Variants in PMM2 observed in about 807,000 individuals in gnomAD.
The protein encoded by PMM2 is mannose-6-phosphate isomerase.
PMM2 carries 35 observed loss-of-function variants against 33.2 expected under a neutral mutation model. The ratio of observed to expected loss-of-function variants is 1.06; its 90% confidence interval spans 0.81 to 1.40. The LOEUF is 1.40. Ranked by LOEUF, PMM2 falls within the 40% of genes most tolerant of loss-of-function variation. The pLI, the probability that PMM2 is intolerant of heterozygous loss-of-function variation, is 0.00. For synonymous variants in PMM2, 153 were observed against 114.7 expected (o/e 1.33, Z -2.13); for missense variants, 386 against 306.0 (o/e 1.26, Z -1.95).
chr16:8,847,884 C>A lies in PMM2; in HGVS notation c.*59C>A, dbSNP rs1341269423. 3 of 1,346,502 alleles carry A rather than the reference C, an allele frequency of 2.2e-6. No individual in the cohort carries two copies. Among genetic ancestry groups the A allele is most frequent in the Admixed American group, 1.7e-5 (1 of 58,774 alleles). 83.4% of individuals were successfully genotyped at this position (1,346,502 alleles called of 1,614,324 possible). A position where few individuals can be genotyped will look rare whatever the true frequency, so the allele number is the denominator to read the frequency against. ...AAGCCAGCATAGGGCATTCGGTGGC[C>A]AGAGCCGAGGGTCCTCCCACACGTG... On this transcript the variant is annotated 3_prime_UTR_variant, in exon 8 of 8. Transcript: ENST00000268261.
At chr16:8,804,031 G>GTTTTT (rs752484926) in intron 2 of PMM2, among the ~76,000 whole-genome samples, 11 of 87,484 alleles carry the variant, frequency 1.3e-4, no homozygotes, top group African/African-American at 4.6e-4. Flanking sequence ...GGTTTTTTTT[G>GTTTTT]TTTTTTTTTT....
intron 7 of PMM2, chr16:8,829,400 G>C (rs1444631350): frequency 6.6e-6 from 1 of 152,220 alleles, no homozygotes; most frequent in Non-Finnish European, 1.5e-5. Context: ...CATTGCAAAG[G>C]AAAACCATCC....
intron 4 of PMM2, chr16:8,806,910 A>G (rs904024301): frequency 6.1e-6 from 1 of 163,430 alleles, no homozygotes; most frequent in African/African-American, 2.4e-5. Context: ...TCCACGTAAA[A>G]CCCAAATCTG....
In PMM2 at chr16:8,797,964, C is replaced by CG; in HGVS notation, c.66+19dup. 1 of 1,589,688 alleles carries CG rather than the reference C, an allele frequency of 6.3e-7. No individual in the cohort carries two copies. The highest frequency in any genetic ancestry group is 8.6e-7 in the Non-Finnish European group (1 of 1,169,314). On this transcript the variant is annotated intron_variant, in intron 1 of 7. Coordinates refer to ENST00000268261, the MANE Select transcript of PMM2 (RefSeq NM_000303.3). ...CCCGCGGCAGGTAAGTGGCGGCCGGCGGGCTGCTGGCAGCCGACGCGGAGC... is the reference window on the plus strand; with the variant it reads ...CCCGCGGCAGGTAAGTGGCGGCCGGCGGGGCTGCTGGCAGCCGACGCGGAGC...
rs902074338 is a variant in PMM2 at position 8,844,103 on chromosome 16, T to C, written c.640-3621T>C. Among the ~76,000 whole-genome samples the C allele has an allele frequency of 5.0e-4, 76 of 152,270 alleles. 1 individual carries two copies. Among genetic ancestry groups the C allele is most frequent in the Middle Eastern group, 6.8e-3 (2 of 294 alleles). On this transcript the variant is annotated intron_variant, in intron 7 of 7. Transcript: ENST00000268261. ...ATTTAGATCTTGCAGGATGGAAAAA[T>C]TGAAAGTGCCGTTTTCTGGCTATTT...
chr16:8,811,727 TG>T lies in PMM2; in HGVS notation c.523+15del, dbSNP rs1432113985. Reference sequence around the variant, plus strand: ...CGTTTTCCATAGGTATTGTATATATTGCCTGTGTTCCAAACTTGGATACCCA... The same window carrying T: ...CGTTTTCCATAGGTATTGTATATATTCCTGTGTTCCAAACTTGGATACCCA... On this transcript the variant is annotated intron_variant, in intron 6 of 7. Transcript: ENST00000268261. The T allele has an allele frequency of 6.3e-7, 1 of 1,577,614 alleles. No individual in the cohort carries two copies. The highest frequency in any genetic ancestry group is 2.2e-5 in the East Asian group (1 of 44,682).
Position 8,813,047 on chromosome 16 carries a change from C to T in PMM2, c.580C>T (p.Arg194Ter), listed in dbSNP as rs199562225. The change falls in exon 7 of 8, where the codon CGA (arginine) becomes TGA (stop). Residue 194 changes from arginine (R) to a stop codon, truncating the protein, a stop_gained. Coordinates refer to ENST00000268261, the MANE Select transcript of PMM2 (RefSeq NM_000303.3). LOFTEE classifies it high-confidence loss of function. ...TGGATGGGACAAGAGATACTGTCTGCGACATGTGGAAAATGACGGTTATAA... is the reference window on the plus strand; with the variant it reads ...TGGATGGGACAAGAGATACTGTCTGTGACATGTGGAAAATGACGGTTATAA... ...PDGWDKRYCL[R>*]HVENDGYKTI... The T allele has an allele frequency of 1.2e-5, 19 of 1,613,534 alleles. No homozygotes were observed. The East Asian group carries it at 2.2e-4, about 19-fold the overall frequency.
chr16:8,801,828 A>T lies in PMM2; in HGVS notation c.96A>T (p.Leu32=). Residue 32 remains leucine, a synonymous_variant, in exon 2 of 8, where the codon CTA becomes CTT. Coordinates refer to ENST00000268261, the MANE Select transcript of PMM2 (RefSeq NM_000303.3). ...TTACCAAAGAAATGGATGACTTCCT[A>T]CAAAAATTGAGGCAGAAGATCAAAA... ...QKITKEMDDF[L]QKLRQKIKIG... is the part of the protein sequence containing the mutation. The T allele has an allele frequency of 6.2e-7, 1 of 1,611,242 alleles. No individual in the cohort carries two copies.
At chr16:8,806,439 G>A (rs775693251) in intron 4 of PMM2, 32 bp downstream of exon 4, 2 of 1,306,826 alleles carry the variant, frequency 1.5e-6, no homozygotes, top group Non-Finnish European at 2.2e-6. Flanking sequence ...AGGCGTCACA[G>A]GAACATAGCG....
Position 8,824,550 on chromosome 16 carries a change from G to C in PMM2, c.639+11444G>C, listed in dbSNP as rs535932158. Among the ~76,000 whole-genome samples, 198 of 152,184 alleles carry C rather than the reference G, an allele frequency of 1.3e-3. 1 individual carries two copies. The highest frequency in any genetic ancestry group is 4.5e-3 in the African/African-American group (185 of 41,532). On this transcript the variant is annotated intron_variant, in intron 7 of 7. Coordinates refer to ENST00000268261, the MANE Select transcript of PMM2 (RefSeq NM_000303.3). Reference sequence around the variant, plus strand: ...ACACATACTAATAACATAGTTATACGACTATAAACCCAAAGAAAGTTAAAC... The same window carrying C: ...ACACATACTAATAACATAGTTATACCACTATAAACCCAAAGAAAGTTAAAC...
chr16:8,831,532 CTCAAAAATAAATAAGAGTCCCGA>C (rs1179506025), intron 7 of PMM2, among the ~76,000 whole-genome samples: 2 of 152,154 alleles, frequency 1.3e-5, no homozygotes, highest in Non-Finnish European at 1.5e-5. Flanking sequence ...GGGACCCTGT[CTCAAAAATAAATAAGAGTCCCGA>C]CCACGAGCTA....
chr16:8,845,342 T>A (rs2060918265), intron 7 of PMM2, among the ~76,000 whole-genome samples: 1 of 152,216 alleles, frequency 6.6e-6, no homozygotes, highest in African/African-American at 2.4e-5. Context: ...TGGAATGTCA[T>A]CAGTTAAGGC....
At chr16:8,803,605 C>T (rs2060627969) in intron 2 of PMM2, among the ~76,000 whole-genome samples, 1 of 152,148 alleles carries the variant, frequency 6.6e-6, no homozygotes, top group African/African-American at 2.4e-5. Flanking sequence ...TTTGAGAATC[C>T]CTTCATTAAG....
At chr16:8,841,292 G>C (rs202093382) in intron 7 of PMM2, among the ~76,000 whole-genome samples, 1 of 140,462 alleles carries the variant, frequency 7.1e-6, no homozygotes, top group Non-Finnish European at 1.6e-5. Context: ...GCTAAACTGA[G>C]GAATTATGTC....
intron 7 of PMM2, among the ~76,000 whole-genome samples, chr16:8,831,146 A>T (rs1348820318): frequency 6.6e-6 from 1 of 152,120 alleles, no homozygotes; most frequent in Non-Finnish European, 1.5e-5. Context: ...TCCAAAAACA[A>T]AAAAAACAAA....
chr16:8,838,613 A>C (rs1244754445), intron 7 of PMM2, among the ~76,000 whole-genome samples: 3 of 151,932 alleles, frequency 2.0e-5, no homozygotes, highest in Non-Finnish European at 4.4e-5. Context: ...TGTTAGAAGA[A>C]ACATTTGTTG....
chr16:8,808,603 C>T (rs1034896803), intron 4 of PMM2: 1 of 152,220 alleles, frequency 6.6e-6, no homozygotes, highest in Non-Finnish European at 1.5e-5. Context: ...GTCTTTAGGG[C>T]GGAACTGATT....
Position 8,827,068 on chromosome 16 carries a change from G to C in PMM2, c.639+13962G>C, listed in dbSNP as rs1175935498. ...CCTGATGCCCTCAAAAGTGAAAAAG[G>C]CCAAGTAATGTGATTCAAAACAGAA... is the stretch of plus-strand genomic sequence containing the variant. On this transcript the variant is annotated intron_variant, in intron 7 of 7. Transcript: ENST00000268261. Among the ~76,000 whole-genome samples the C allele has an allele frequency of 2.6e-5, 4 of 151,986 alleles. No homozygotes were observed. The South Asian group carries it at 8.3e-4, about 32-fold the overall frequency.
At chr16:8,833,922 G>C (rs981422156) in intron 7 of PMM2, among the ~76,000 whole-genome samples, 21 of 152,050 alleles carry the variant, frequency 1.4e-4, no homozygotes, top group African/African-American at 5.1e-4. Flanking sequence ...TATCAGCTGT[G>C]ATGGCTTGGA....
Sources: gnomAD v4.1 joint callset for allele counts (sites outside exome capture counted in the v4.1 genomes callset) on GRCh38, gnomAD v4.1.1 for gene constraint, MANE v1.5 for transcripts, NCBI Gene and HGNC (gene_info 2026-07-23, HGNC 2026-07-21) for gene names.